The following COMP variants were observed in gnomAD, a reference collection of about 807,000 sequenced individuals.
The protein encoded by COMP is cartilage oligomeric matrix protein (pseudoachondroplasia, epiphyseal dysplasia 1, multiple).
In COMP, 79 loss-of-function variants were observed where a neutral mutation model predicts 95.8. The ratio of observed to expected loss-of-function variants is 0.82; its 90% CI spans 0.69 to 0.99. The LOEUF (loss-of-function observed/expected upper bound fraction) is 0.99. Ranked by LOEUF, COMP falls within the 50% of genes least tolerant of loss-of-function variation. COMP has a pLI of 0.00. For synonymous variants in COMP, 438 were observed against 433.9 expected, an observed-to-expected ratio of 1.01 and a Z score of -0.12; for missense variants, 906 against 1,076.1, an observed-to-expected ratio of 0.84 and a Z score of 2.21.
Position 18,789,094 on chromosome 19 carries a change from T to C in COMP, c.528+66A>G. 6 of 1,566,482 alleles carry C rather than the reference T, an allele frequency of 3.8e-6. No homozygotes were observed. Among genetic ancestry groups the C allele is most frequent in the South Asian group, 1.2e-5 (1 of 83,700 alleles). On this transcript the variant is annotated intron_variant, in intron 5 of 18. Coordinates refer to ENST00000222271, the MANE Select transcript of COMP (RefSeq NM_000095.3). The surrounding 1 kb of genome is among the most constrained non-coding windows in gnomAD (Gnocchi z 6.1). ...CTGGAAGGAGGCTGGAAGAGGAGTTTACTGGTAAACAAAATGGACGCCCCC... is the reference window on the plus strand; with the variant it reads ...CTGGAAGGAGGCTGGAAGAGGAGTTCACTGGTAAACAAAATGGACGCCCCC...
chr19:18,787,753 C>G, intron 9 of COMP, 103 bp from the exon 10 acceptor site: 4 of 1,523,900 alleles, frequency 2.6e-6, no homozygotes, highest in Middle Eastern at 1.7e-4. Flanking sequence ...CTCAAGGAAC[C>G]TTTCGCCCCT....
In COMP at chr19:18,786,068, A is replaced by T; in HGVS notation, c.1386T>A (p.Asp462Glu). Residue 462 changes from aspartate (D) to glutamate (E), a missense_variant, in exon 13 of 19, where the codon GAT (aspartate) becomes GAA (glutamate). Transcript: ENST00000222271. ...PNSAQEDSDH[D>E]GQGDACDDDD... ...CGTCGTCGCAGGCATCACCCTGGCC[A>T]TCGTGGTCTGAGTCCTCCTGGGCAC... The T allele has an allele frequency of 1.2e-6, 2 of 1,613,984 alleles. No homozygotes were observed. The highest frequency in any genetic ancestry group is 2.2e-5 in the South Asian group (2 of 91,084).
chr19:18,783,378 T>C (rs1289852772), intron 17 of COMP, among the ~76,000 whole-genome samples, 185 bp from the exon 18 acceptor site: 2 of 152,188 alleles, frequency 1.3e-5, no homozygotes, highest in Non-Finnish European at 2.9e-5. Flanking sequence ...TAGTTGGTGC[T>C]AAACAGAGCA....
chr19:18,791,051 T>G (rs2055209908), intron 1 of COMP, 116 bp from the exon 2 acceptor site: 1 of 1,504,934 alleles, frequency 6.6e-7, no homozygotes. Flanking sequence ...CTAGTCTCGG[T>G]CCCGCCACCT....
At chr19:18,787,864 C>CTTTTTCTTTCTTTCTTTCTTTCTTTCTT (rs56093208) in intron 9 of COMP, among the ~76,000 whole-genome samples, 2 of 108,832 alleles carry the variant, frequency 1.8e-5, no homozygotes, top group Admixed American at 1.1e-4. Flanking sequence ...TTTTCTTTTT[C>CTTTTTCTTTCTTTCTTTCTTTCTTTCTT]TCTTTCTTTC....
intron 10 of COMP, 123 bp downstream of exon 10, chr19:18,787,368 A>T: frequency 1.4e-6 from 2 of 1,406,446 alleles, no homozygotes; most frequent in Non-Finnish European, 2.0e-6. Context: ...TCTTTGGTCC[A>T]GGGCGCCCTA....
chr19:18,787,263 C>T (rs957520021), intron 10 of COMP, among the ~76,000 whole-genome samples: 34 of 152,362 alleles, frequency 2.2e-4, no homozygotes, highest in African/African-American at 7.7e-4. Context: ...TTCCTGCCTG[C>T]GGCATTGACA....
Position 18,791,234 on chromosome 19 carries a change from G to C in COMP, c.36C>G (p.Thr12=). ...GTCCGGACGCGCCGAGGGCAGCCAG[G>C]GTGAGCAGAAGAACGCAGGCGGTGT... ...VPDTACVLLL[T]LAALGASGQG... Residue 12 remains threonine, a synonymous_variant, in exon 1 of 19, where the codon ACC becomes ACG. Transcript: ENST00000222271. The C allele has an allele frequency of 6.3e-7, 1 of 1,598,656 alleles. No individual in the cohort carries two copies. Among genetic ancestry groups the C allele is most frequent in the Non-Finnish European group, 8.5e-7 (1 of 1,174,220 alleles).
intron 3 of COMP, 81 bp downstream of exon 3, chr19:18,790,481 A>G (rs2055204856): frequency 1.3e-6 from 2 of 1,574,784 alleles, no homozygotes; most frequent in Admixed American, 3.3e-5. Flanking sequence ...TTTCCTCCCC[A>G]GCTTTCCCTG....
Position 18,785,092 on chromosome 19 carries a change from C to T in COMP, c.1718G>A (p.Gly573Asp). Residue 573 changes from glycine to aspartate, a missense_variant and splice_region_variant, in exon 16 of 19, where the codon GGT becomes GAT. Gly to Asp is a moderately conservative substitution (Grantham distance 94, BLOSUM62 -1). Coordinates refer to ENST00000222271, the MANE Select transcript of COMP (RefSeq NM_000095.3). ...GTCCACGCCATTGAAGGCAGTGTAA[C>T]CTAGGGATGGAAAGAGAGCAGTGGC... ...TMNSDPGLAV[G>D]YTAFNGVDFE... 1 of 1,613,940 alleles carries T rather than the reference C, an allele frequency of 6.2e-7. No individual in the cohort carries two copies.
chr19:18,784,581 G>C lies in COMP; in HGVS notation c.1915-218C>G, dbSNP rs2055151739. Among the ~76,000 whole-genome samples the C allele has an allele frequency of 6.6e-6, 1 of 152,152 alleles. No individual in the cohort carries two copies. The highest frequency in any genetic ancestry group is 1.5e-5 in the Non-Finnish European group (1 of 68,036). On this transcript the variant is annotated intron_variant, in intron 16 of 18. Transcript: ENST00000222271. The surrounding 1 kb of genome is among the most constrained non-coding windows in gnomAD (Gnocchi z 4.9). ...TGCAGGTTCATGAGAGGATTTGGGA[G>C]TCCGTGGACAGATTCAGGGTCTGGG...
In COMP at chr19:18,789,863, A is replaced by T; in HGVS notation, c.390+79T>A. 6.6e-7 allele frequency: 1 copy of T among 1,513,592 alleles called. No individual in the cohort carries two copies. The highest frequency in any genetic ancestry group is 9.0e-7 in the Non-Finnish European group (1 of 1,116,142). 93.8% of individuals were successfully genotyped at this position (1,513,592 alleles called of 1,614,324 possible). A position where few individuals can be genotyped will look rare whatever the true frequency, so the allele number is the denominator to read the frequency against. ...TCGGGGCGAACACTCCCAGTGGAGG[A>T]AGGGGTCTCCCGGGCGGCGAGAGAT... On this transcript the variant is annotated intron_variant, in intron 4 of 18. Transcript: ENST00000222271. This position sits in a 1 kb window ranked among gnomAD's most constrained non-coding sequence, Gnocchi z 6.1.
intron 1 of COMP, 106 bp from the exon 2 acceptor site, chr19:18,791,041 C>T (rs1324866002): frequency 1.3e-6 from 2 of 1,513,654 alleles, no homozygotes; most frequent in South Asian, 1.2e-5. Flanking sequence ...CTGCGCTCCT[C>T]TAGTCTCGGT....
intron 18 of COMP, 42 bp downstream of exon 18, chr19:18,783,012 T>A (rs1418263000): frequency 6.2e-7 from 1 of 1,612,036 alleles, no homozygotes. Context: ...GCAGGGCCTG[T>A]GTGCAGACTC....
chr19:18,785,623 CTG>C (rs1568554534), intron 14 of COMP, 48 bp downstream of exon 14: 1 of 1,613,676 alleles, frequency 6.2e-7, no homozygotes, highest in Non-Finnish European at 8.5e-7. Flanking sequence ...ATAGGCCTCA[CTG>C]TGGGGGTTCT....
Position 18,788,165 on chromosome 19 carries a change from G to A in COMP, c.975+47C>T. ...GATCCGCCCGCCTCGGCCTCCCAAA[G>A]TGCTGGGATTACAGGAGTGAACCAC... On this transcript the variant is annotated intron_variant, in intron 9 of 18. Transcript: ENST00000222271. The surrounding 1 kb of genome is among the most constrained non-coding windows in gnomAD (Gnocchi z 4.7). 6.6e-7 allele frequency: 1 copy of A among 1,515,456 alleles called. No homozygotes were observed. The allele number at this position is 1,515,456 out of a possible 1,614,324, so 93.9% of individuals were successfully genotyped here.
chr19:18,788,727 G>A lies in COMP; in HGVS notation c.627C>T (p.Cys209=). The change falls in exon 7 of 19, where the codon TGC becomes TGT. Residue 209 remains cysteine, a synonymous_variant. Transcript: ENST00000222271. The surrounding 1 kb of genome is among the most constrained non-coding windows in gnomAD (Gnocchi z 4.7). ...CCTGGTCGCCCACGAAGCCGGGCTG[G>A]CACGGGCCGCACTGGAAGGAGCCCT... The part of the protein sequence containing the change: ...NTRGSFQCGP[C]QPGFVGDQAS... 6.5e-7 allele frequency: 1 copy of A among 1,548,728 alleles called. No homozygotes were observed. The highest frequency in any genetic ancestry group is 2.4e-5 in the East Asian group (1 of 41,680).
At position 18,789,026 on chromosome 19, in the gene COMP, T is replaced by G; in HGVS notation, c.529-113A>C. 1 of 1,544,444 alleles carries G rather than the reference T, an allele frequency of 6.5e-7. No individual in the cohort carries two copies. Among genetic ancestry groups the G allele is most frequent in the Non-Finnish European group, 8.8e-7 (1 of 1,135,554 alleles). The stretch of plus-strand genomic sequence containing the variant: ...TCCCCTCCATCCTGCCCCAAACCGA[T>G]CAGCCCTGGCGCAGCGGACCCCTCC... On this transcript the variant is annotated intron_variant, in intron 5 of 18. Transcript: ENST00000222271. The surrounding 1 kb of genome is among the most constrained non-coding windows in gnomAD (Gnocchi z 6.1).
At chr19:18,790,981 C>G in intron 1 of COMP, 46 bp from the exon 2 acceptor site, 2 of 1,544,920 alleles carry the variant, frequency 1.3e-6, no homozygotes, top group Non-Finnish European at 1.7e-6. Flanking sequence ...GCCGGGGAAT[C>G]CCACCACCAA....
Sources: gnomAD v4.1 joint callset for allele counts (sites outside exome capture counted in the v4.1 genomes callset) on GRCh38, gnomAD v4.1.1 for gene constraint, Gnocchi (gnomAD v3.1) non-coding constraint, MANE v1.5 for transcripts, NCBI Gene and HGNC (gene_info 2026-07-23, HGNC 2026-07-21) for gene names.